The following NOL10 variants were observed in gnomAD, a reference collection of about 807,000 sequenced individuals.
NOL10 encodes the protein H_NH0074G24.1.
A neutral mutation model predicts 103.5 loss-of-function variants in NOL10; 58 were observed. The observed-to-expected ratio is 0.56, with a 90% CI of 0.45 to 0.70. The LOEUF is 0.70. Ranked by LOEUF, NOL10 falls within the 30% of genes least tolerant of loss-of-function variation. The pLI, the probability that NOL10 is intolerant of heterozygous loss-of-function variation, is 0.00. For missense variants in NOL10, 763 were observed against 807.3 expected (o/e 0.95, Z 0.67); for synonymous variants, 287 against 282.5 (o/e 1.02, Z -0.16).
intron 13 of NOL10, among the ~76,000 whole-genome samples, chr2:10,640,747 A>C (rs367851019): frequency 6.6e-6 from 1 of 152,248 alleles, no homozygotes. Flanking sequence ...TCAGAAGTAA[A>C]CAATGGGTCT....
intron 15 of NOL10, 49 bp downstream of exon 15, chr2:10,603,029 G>C (rs1676063393): frequency 1.4e-6 from 2 of 1,432,712 alleles, no homozygotes; most frequent in Non-Finnish European, 1.9e-6. Context: ...AATGGCCACA[G>C]ACTGCGCATT....
chr2:10,589,232 T>A lies in NOL10; in HGVS notation c.1655A>T (p.Asp552Val). Residue 552 changes from aspartate to valine, a missense_variant, in exon 19 of 21, where the codon GAT becomes GTT. Asp to Val is a radical substitution (Grantham distance 152). Coordinates refer to ENST00000381685, the MANE Select transcript of NOL10 (RefSeq NM_024894.4). ...CTCTTCAACCCAGGCTTTTTCATCA[T>A]CTGAACTCTCCGAACTTTCTGCATC... ...PSDAESSESS[D>V]DEKAWVEEVR... is the part of the protein sequence containing the mutation. The A allele has an allele frequency of 1.9e-6, 3 of 1,613,962 alleles. No individual in the cohort carries two copies. The highest frequency in any genetic ancestry group is 1.7e-6 in the Non-Finnish European group (2 of 1,179,876).
intron 13 of NOL10, among the ~76,000 whole-genome samples, chr2:10,609,890 T>C (rs1676462829): frequency 6.6e-6 from 1 of 152,226 alleles, no homozygotes; most frequent in Admixed American, 6.5e-5. Flanking sequence ...ACTGCTGAAT[T>C]TTTAGTACCT....
At chr2:10,683,083 C>G (rs972196456) in intron 2 of NOL10, among the ~76,000 whole-genome samples, 2 of 152,154 alleles carry the variant, frequency 1.3e-5, no homozygotes, top group Admixed American at 6.6e-5. Context: ...GTGCCTGACC[C>G]AACCTCTTAA....
chr2:10,670,925 T>A (rs1680890775), intron 6 of NOL10, among the ~76,000 whole-genome samples: 1 of 152,220 alleles, frequency 6.6e-6, no homozygotes, highest in South Asian at 2.1e-4. Context: ...TTGTTCAGAA[T>A]TTAGTAGACT....
intron 9 of NOL10, among the ~76,000 whole-genome samples, chr2:10,661,697 T>C (rs1363248223): frequency 6.6e-6 from 1 of 152,086 alleles, no homozygotes; most frequent in Admixed American, 6.6e-5. Flanking sequence ...GATTTTCAGT[T>C]ACTCTCCTGA....
intron 13 of NOL10, 124 bp downstream of exon 13, chr2:10,644,196 T>A: frequency 1.6e-6 from 1 of 619,752 alleles, no homozygotes; most frequent in South Asian, 2.7e-5. Context: ...TGCAGTGGGC[T>A]GAGGCTGCAC....
At chr2:10,616,127 C>T (rs1676820125) in intron 13 of NOL10, among the ~76,000 whole-genome samples, 2 of 151,816 alleles carry the variant, frequency 1.3e-5, no homozygotes, top group African/African-American at 2.4e-5. Flanking sequence ...TGAAAGGTCC[C>T]AGAAGACAGA....
At chr2:10,640,558 G>C (rs902925980) in intron 13 of NOL10, among the ~76,000 whole-genome samples, 1 of 152,110 alleles carries the variant, frequency 6.6e-6, no homozygotes, top group Non-Finnish European at 1.5e-5. Context: ...AACTAAAAAG[G>C]TCTTATAAGA....
chr2:10,680,936 T>G (rs1681714604), intron 3 of NOL10, among the ~76,000 whole-genome samples: 1 of 152,216 alleles, frequency 6.6e-6, no homozygotes, highest in Non-Finnish European at 1.5e-5. Flanking sequence ...CTTAGAGATA[T>G]TTTTAAAAAT....
chr2:10,637,421 TA>T (rs1459873109), intron 13 of NOL10, among the ~76,000 whole-genome samples: 1 of 152,232 alleles, frequency 6.6e-6, no homozygotes, highest in East Asian at 1.9e-4. Context: ...TGACAACCCC[TA>T]AAATTCTGCA....
intron 13 of NOL10, among the ~76,000 whole-genome samples, chr2:10,637,065 G>C (rs541126624): frequency 1.3e-5 from 2 of 151,706 alleles, no homozygotes; most frequent in African/African-American, 4.8e-5. Context: ...AGTCAGGTGT[G>C]GTGGTGCGTA....
chr2:10,580,370 G>A (rs947416868), intron 19 of NOL10, among the ~76,000 whole-genome samples: 2 of 22,858 alleles, frequency 8.7e-5, no homozygotes, highest in Non-Finnish European at 1.9e-4. Flanking sequence ...CCCCTCCCCC[G>A]CTCCCTGCCC....
intron 9 of NOL10, among the ~76,000 whole-genome samples, chr2:10,660,785 G>C (rs910716630): frequency 1.3e-5 from 2 of 151,726 alleles, no homozygotes; most frequent in Non-Finnish European, 1.5e-5. Context: ...TTATTCTCCT[G>C]AGTTTCTCAG....
rs1371633658 is a variant in NOL10 at position 10,572,112 on chromosome 2, G to A, written c.2026C>T (p.His676Tyr). The part of the protein sequence containing the change: ...ERKRLRRSAG[H>Y]LKSRHKRGRS... Reference sequence around the variant, plus strand: ...CCTCTTTTGTGTCTTGACTTCAGGTGTCCGGCCGAACGACGGAGTCTTTTC... The same window carrying A: ...CCTCTTTTGTGTCTTGACTTCAGGTATCCGGCCGAACGACGGAGTCTTTTC... The change falls in exon 21 of 21, where the codon CAC becomes TAC. Residue 676 changes from histidine (H) to tyrosine (Y), a missense_variant. Physicochemically the swap from His to Tyr is moderately conservative, Grantham distance 83. Coordinates refer to ENST00000381685, the MANE Select transcript of NOL10 (RefSeq NM_024894.4). 1.9e-6 allele frequency: 3 copies of A among 1,613,978 alleles called. No individual in the cohort carries two copies. In the South Asian group the frequency reaches 3.3e-5, roughly 18 times the overall value.
At chr2:10,637,901 G>A (rs1678375922) in intron 13 of NOL10, among the ~76,000 whole-genome samples, 1 of 151,812 alleles carries the variant, frequency 6.6e-6, no homozygotes, top group Non-Finnish European at 1.5e-5. Context: ...AATGGTAAAT[G>A]TTAAAATATT....
intron 1 of NOL10, among the ~76,000 whole-genome samples, chr2:10,688,480 A>G (rs1682371879): frequency 6.6e-6 from 1 of 152,186 alleles, no homozygotes; most frequent in Non-Finnish European, 1.5e-5. Context: ...TCAGCACTGA[A>G]AACTCTTCCC....
chr2:10,612,470 A>G (rs1428039989), intron 13 of NOL10, among the ~76,000 whole-genome samples: 1 of 152,056 alleles, frequency 6.6e-6, no homozygotes, highest in Non-Finnish European at 1.5e-5. Flanking sequence ...AACATAGAAC[A>G]GCCATTAAAT....
intron 13 of NOL10, among the ~76,000 whole-genome samples, chr2:10,626,077 G>A (rs1677446987): frequency 6.6e-6 from 1 of 152,038 alleles, no homozygotes; most frequent in African/African-American, 2.4e-5. Context: ...AGCTGCATGG[G>A]GCTGAGGTAG....
Sources: gnomAD v4.1 joint callset for allele counts (sites outside exome capture counted in the v4.1 genomes callset) on GRCh38, gnomAD v4.1.1 for gene constraint, MANE v1.5 for transcripts, NCBI Gene and HGNC (gene_info 2026-07-23, HGNC 2026-07-21) for gene names.